The following CEP164 variants were observed in gnomAD, a reference collection of about 807,000 sequenced individuals.
CEP164 encodes the protein centrosomal protein 164.
CEP164 carries 162 observed loss-of-function variants against 182.7 expected under a neutral mutation model. The ratio of observed to expected loss-of-function variants is 0.89; its 90% confidence interval spans 0.78 to 1.01. CEP164 has a LOEUF of 1.01. Ranked by LOEUF, CEP164 falls within the 50% of genes least tolerant of loss-of-function variation. The pLI is 0.00. For missense variants in CEP164, 1,735 were observed against 1,790.4 expected (o/e 0.97, Z 0.56); for synonymous variants, 661 against 690.0 (o/e 0.96, Z 0.66).
At chr11:117,400,182 C>A (rs1347687114) in intron 27 of CEP164, among the ~76,000 whole-genome samples, 4 of 152,118 alleles carry the variant, frequency 2.6e-5, no homozygotes, top group Non-Finnish European at 4.4e-5. Context: ...AGGAAGGGGT[C>A]CAGTTTCAGT....
chr11:117,381,972 T>C lies in CEP164; in HGVS notation c.1577+104T>C, dbSNP rs556901073. 5.8e-6 allele frequency: 6 copies of C among 1,036,358 alleles called. No individual in the cohort carries two copies. In the South Asian group the frequency reaches 7.6e-5, roughly 13 times the overall value. The allele number at this position is 1,036,358 out of a possible 1,614,324, so 64.2% of individuals were successfully genotyped here. A position where few individuals can be genotyped will look rare whatever the true frequency, so the allele number is the denominator to read the frequency against. ...TGAGAGAGATGGGGGTGGGGTTGGC[T>C]TGGGGAGGGAGTGGGGAGCTGGGGC... is the stretch of plus-strand genomic sequence containing the variant. On this transcript the variant is annotated intron_variant, in intron 13 of 32. Transcript: ENST00000278935.
intron 8 of CEP164, among the ~76,000 whole-genome samples, chr11:117,367,582 T>C (rs1389540303): frequency 6.6e-6 from 1 of 152,224 alleles, no homozygotes; most frequent in Non-Finnish European, 1.5e-5. Flanking sequence ...CGTGCAGGTT[T>C]GTTACATATG....
At position 117,375,712 on chromosome 11, in the gene CEP164, T is replaced by G. The variant is rs1290474580; in HGVS notation, c.1238T>G (p.Phe413Cys). The stretch of plus-strand genomic sequence containing the variant: ...TTGCATCTCCACTGTCTCCAGGACT[T>G]CGGTTTTCGCAGCCGGATCTCGGAG... ...SDPKSFHGLD[F>C]GFRSRISEHL... The change falls in exon 11 of 33, where the codon TTC becomes TGC. Residue 413 changes from phenylalanine (F) to cysteine (C), a missense_variant. Physicochemically the swap from Phe to Cys is radical, Grantham distance 205 (BLOSUM62 -2). Coordinates refer to ENST00000278935, the MANE Select transcript of CEP164 (RefSeq NM_014956.5). The G allele has an allele frequency of 6.2e-7, 1 of 1,613,936 alleles. No individual in the cohort carries two copies. Among genetic ancestry groups the G allele is most frequent in the Non-Finnish European group, 8.5e-7 (1 of 1,179,998 alleles).
At chr11:117,323,015 C>T (rs1245529937), upstream of CEP164, among the ~76,000 whole-genome samples, 1 of 152,074 alleles carries the variant, frequency 6.6e-6, no homozygotes, top group Non-Finnish European at 1.5e-5. Context: ...ATCTGCCTAC[C>T]TCAGCCTCCC....
chr11:117,344,562 G>GA (rs578112492), intron 4 of CEP164, among the ~76,000 whole-genome samples: 248 of 152,326 alleles, frequency 1.6e-3, no homozygotes, highest in African/African-American at 5.6e-3. Flanking sequence ...AGGATGTGCT[G>GA]AGGGGTTGTT....
rs1245651734 is a variant in CEP164, at chr11:117,392,174, C to T, written c.2284-52C>T. 3 of 1,480,202 alleles carry T rather than the reference C, an allele frequency of 2.0e-6. No individual in the cohort carries two copies. In the African/African-American group the frequency reaches 4.2e-5, roughly 21 times the overall value. 91.7% of individuals were successfully genotyped at this position (1,480,202 alleles called of 1,614,324 possible). A position where few individuals can be genotyped will look rare whatever the true frequency, so the allele number is the denominator to read the frequency against. ...GTAGTCTTCCTGGCTCCGCCTCCCA[C>T]CATGATCAGTACCTGGCCAGCTTCA... On this transcript the variant is annotated intron_variant, in intron 17 of 32. Coordinates refer to ENST00000278935, the MANE Select transcript of CEP164 (RefSeq NM_014956.5).
In CEP164 at chr11:117,412,158, A is replaced by C; in HGVS notation, c.4373A>C (p.Tyr1458Ser). Residue 1458 changes from tyrosine to serine, a missense_variant, in exon 33 of 33, where the codon TAT becomes TCT. Coordinates refer to ENST00000278935, the MANE Select transcript of CEP164 (RefSeq NM_014956.5). ...GATGAGCACAACAGAGTGAAGGTGTATCGCTTCTGAGGCCCTGAGCAGGGG... is the reference window on the plus strand; with the variant it reads ...GATGAGCACAACAGAGTGAAGGTGTCTCGCTTCTGAGGCCCTGAGCAGGGG... The part of the protein sequence containing the change: ...GLDEHNRVKV[Y>S]RF The C allele has an allele frequency of 6.2e-7, 1 of 1,614,062 alleles. No homozygotes were observed. The highest frequency in any genetic ancestry group is 8.5e-7 in the Non-Finnish European group (1 of 1,179,960).
chr11:117,355,720 G>A (rs2040224018), intron 5 of CEP164: 8 of 1,177,888 alleles, frequency 6.8e-6, no homozygotes, highest in Non-Finnish European at 8.5e-6. Flanking sequence ...CTCCTGGACT[G>A]TGGATGGAAC....
chr11:117,395,253 T>C lies in CEP164; in HGVS notation c.2913+62T>C, dbSNP rs1297333026. On this transcript the variant is annotated intron_variant, in intron 23 of 32. Coordinates refer to ENST00000278935, the MANE Select transcript of CEP164 (RefSeq NM_014956.5). ...CTCCATTTCCTGTCTTTCTTCTCCC[T>C]GTTCCCCACATTTTGTTCATCTGAT... is the stretch of plus-strand genomic sequence containing the variant. The C allele has an allele frequency of 3.8e-6, 6 of 1,571,852 alleles. No individual in the cohort carries two copies. The East Asian group carries it at 1.1e-4, about 29-fold the overall frequency.
At chr11:117,342,484 C>CT (rs919790713) in intron 3 of CEP164, among the ~76,000 whole-genome samples, 40 of 148,262 alleles carry the variant, frequency 2.7e-4, no homozygotes, top group South Asian at 6.4e-4. Flanking sequence ...TGAGATAGCT[C>CT]TTTTTTTTTT....
intron 2 of CEP164, among the ~76,000 whole-genome samples, chr11:117,337,085 T>C (rs2037268592): frequency 6.6e-6 from 1 of 152,176 alleles, no homozygotes; most frequent in African/African-American, 2.4e-5. Context: ...GCTGGACTTC[T>C]GTCTTCGCTT....
rs1444266844 is a variant in CEP164 at position 117,413,052 on chromosome 11, G to C, written c.*884G>C. 6.6e-6 allele frequency: 1 copy of C among 152,184 alleles called. No individual in the cohort carries two copies. Among genetic ancestry groups the C allele is most frequent in the Admixed American group, 6.5e-5 (1 of 15,284 alleles). 9.4% of individuals were successfully genotyped at this position (152,184 alleles called of 1,614,324 possible). A position where few individuals can be genotyped will look rare whatever the true frequency, so the allele number is the denominator to read the frequency against. Reference sequence around the variant, plus strand: ...TGTGCCACCCCTGCCCTGATTCCACGGCTGCCTCAGGCAGGCAGGCAAGGA... The same window carrying C: ...TGTGCCACCCCTGCCCTGATTCCACCGCTGCCTCAGGCAGGCAGGCAAGGA... On this transcript the variant is annotated 3_prime_UTR_variant, in exon 33 of 33. Transcript: ENST00000278935.
At chr11:117,368,069 C>T (rs550549932) in intron 8 of CEP164, among the ~76,000 whole-genome samples, 3 of 152,296 alleles carry the variant, frequency 2.0e-5, no homozygotes, top group South Asian at 2.1e-4. Flanking sequence ...CAAACCTTTA[C>T]TAAGCACTTG....
intron 4 of CEP164, 150 bp downstream of exon 4, chr11:117,344,427 C>G: frequency 3.4e-6 from 2 of 590,728 alleles, no homozygotes; most frequent in Non-Finnish European, 6.1e-6. Context: ...ATGCTGCCTG[C>G]TATTTCAGGC....
At chr11:117,392,365 G>A (rs1169221623) in intron 18 of CEP164, 62 bp downstream of exon 18, 3 of 1,574,348 alleles carry the variant, frequency 1.9e-6, no homozygotes, top group Non-Finnish European at 2.6e-6. Flanking sequence ...CCCATCCCTG[G>A]CTACTAGGCA....
Position 117,338,680 on chromosome 11 carries a change from G to A in CEP164, c.82+12G>A. On this transcript the variant is annotated intron_variant, in intron 3 of 32. Transcript: ENST00000278935. ...TCCTAGTGAGCAAGGTAACAAGTCT[G>A]TGAAGAGGCCTGTGGTGTATTGTGT... 6.3e-7 allele frequency: 1 copy of A among 1,590,300 alleles called. No homozygotes were observed. Among genetic ancestry groups the A allele is most frequent in the Non-Finnish European group, 8.6e-7 (1 of 1,158,178 alleles).
Position 117,373,740 on chromosome 11 carries a change from T to A in CEP164, c.1153-11T>A. ...GCTCTGAGGGATTTCTCTGTGGGTC[T>A]GTCTCTCCAGGAACTGGAAATTAGT... is the stretch of plus-strand genomic sequence containing the variant. On this transcript the variant is annotated splice_polypyrimidine_tract_variant and intron_variant, in intron 9 of 32. Coordinates refer to ENST00000278935, the MANE Select transcript of CEP164 (RefSeq NM_014956.5). 6.2e-7 allele frequency: 1 copy of A among 1,612,502 alleles called. No homozygotes were observed. The highest frequency in any genetic ancestry group is 8.5e-7 in the Non-Finnish European group (1 of 1,178,568).
chr11:117,375,652 G>T (rs768448949), intron 10 of CEP164, 56 bp from the exon 11 acceptor site: 2 of 1,475,934 alleles, frequency 1.4e-6, no homozygotes, highest in Admixed American at 3.3e-5. Context: ...AAGAGGCCTG[G>T]TGGGTGTTGA....
At chr11:117,403,200 A>G (rs1009385185) in intron 27 of CEP164, among the ~76,000 whole-genome samples, 1 of 152,152 alleles carries the variant, frequency 6.6e-6, no homozygotes, top group Admixed American at 6.5e-5. Context: ...TGTGAATTTG[A>G]TCCTGTCATT....
Sources: gnomAD v4.1 joint callset for allele counts (sites outside exome capture counted in the v4.1 genomes callset) on GRCh38, gnomAD v4.1.1 for gene constraint, MANE v1.5 for transcripts, NCBI Gene and HGNC (gene_info 2026-07-23, HGNC 2026-07-21) for gene names.